HFM1: variants seen among roughly 807,000 people sequenced by gnomAD.
HFM1 encodes the protein helicase for meiosis 1.
Under a neutral mutation model 192.1 loss-of-function variants are expected in HFM1, and 169 were observed. The observed-to-expected ratio is 0.88, with a 90% CI of 0.78 to 1.00. The LOEUF (loss-of-function observed/expected upper bound fraction) is 1.00, where lower values mean the gene tolerates loss of function less well. Among genes scored for constraint, HFM1 ranks in the 50% least tolerant of loss-of-function variants. The probability of loss-of-function intolerance (pLI) is 0.00; values close to 1 mark genes in which losing one functional copy is unlikely to be tolerated. For synonymous variants in HFM1, 525 were observed against 537.8 expected (o/e 0.98, Z 0.33); for missense variants, 1,661 against 1,668.0 (o/e 1.00, Z 0.07).
chr1:91,317,339 G>A (rs1376827325), intron 25 of HFM1, among the ~76,000 whole-genome samples: 9 of 152,102 alleles, frequency 5.9e-5, no homozygotes, highest in Admixed American at 2.6e-4. Flanking sequence ...GCTTGAACCC[G>A]AGAGGCGGAG....
In HFM1 at chr1:91,319,277, T is replaced by G; in HGVS notation, c.2680+16A>C. 6.2e-7 allele frequency: 1 copy of G among 1,604,932 alleles called. No individual in the cohort carries two copies. Among genetic ancestry groups the G allele is most frequent in the Non-Finnish European group, 8.5e-7 (1 of 1,171,956 alleles). On this transcript the variant is annotated intron_variant, in intron 24 of 38. Transcript: ENST00000370425. ...ATTGGAAAAAATATTTAAAATCCACTAATCCTGTAACATACATCTTGTAAT... is the reference window on the plus strand; with the variant it reads ...ATTGGAAAAAATATTTAAAATCCACGAATCCTGTAACATACATCTTGTAAT...
intron 30 of HFM1, among the ~76,000 whole-genome samples, chr1:91,293,950 C>CA (rs1307429524): frequency 2.0e-5 from 3 of 147,656 alleles, no homozygotes; most frequent in African/African-American, 7.5e-5. Flanking sequence ...ATCGCAAGAA[C>CA]AAAAAACCAA....
At chr1:91,288,226 T>C (rs1274188629) in intron 30 of HFM1, among the ~76,000 whole-genome samples, 2 of 150,378 alleles carry the variant, frequency 1.3e-5, no homozygotes, top group Admixed American at 6.6e-5. Flanking sequence ...TTCACCAAAG[T>C]TGAAATGAAG....
intron 30 of HFM1, among the ~76,000 whole-genome samples, chr1:91,295,829 T>G (rs1377901396): frequency 6.6e-6 from 1 of 152,228 alleles, no homozygotes; most frequent in Non-Finnish European, 1.5e-5. Flanking sequence ...GACCTATTTT[T>G]TCTCCTCTAA....
chr1:91,338,785 AC>A, intron 20 of HFM1, among the ~76,000 whole-genome samples: 1 of 152,130 alleles, frequency 6.6e-6, no homozygotes, highest in South Asian at 2.1e-4. Flanking sequence ...GCAAACATGG[AC>A]CCTGCTGTGC....
At chr1:91,373,534 G>A (rs554624775) in intron 13 of HFM1, among the ~76,000 whole-genome samples, 8 of 151,982 alleles carry the variant, frequency 5.3e-5, no homozygotes, top group Non-Finnish European at 1.2e-4. Context: ...AGTATTGAAG[G>A]TGAGGCCTGG....
At chr1:91,349,518 CCT>C (rs1169288260) in intron 18 of HFM1, among the ~76,000 whole-genome samples, 2 of 152,134 alleles carry the variant, frequency 1.3e-5, no homozygotes, top group Non-Finnish European at 2.9e-5. Flanking sequence ...GATCATTCAT[CCT>C]GAGAAAAGTC....
chr1:91,323,315 A>C (rs922666878), intron 21 of HFM1, 116 bp from the exon 22 acceptor site: 3 of 649,124 alleles, frequency 4.6e-6, no homozygotes, highest in Non-Finnish European at 5.3e-6. Context: ...TTTATCAATG[A>C]ACATAACAGA....
chr1:91,375,517 C>G lies in HFM1; in HGVS notation c.1596+10G>C. On this transcript the variant is annotated intron_variant, in intron 12 of 38. Coordinates refer to ENST00000370425, the MANE Select transcript of HFM1 (RefSeq NM_001017975.6). Reference sequence around the variant, plus strand: ...AATATACTAAAAAATAAGCTATCAACAATCCATACCACAAGTGTGGGTTTC... The same window carrying G: ...AATATACTAAAAAATAAGCTATCAAGAATCCATACCACAAGTGTGGGTTTC... The G allele has an allele frequency of 6.2e-7, 1 of 1,611,782 alleles. No homozygotes were observed. The highest frequency in any genetic ancestry group is 1.1e-5 in the South Asian group (1 of 91,008).
At chr1:91,314,561 A>G (rs1475220169) in intron 28 of HFM1, among the ~76,000 whole-genome samples, 5 of 152,012 alleles carry the variant, frequency 3.3e-5, no homozygotes, top group African/African-American at 1.2e-4. Flanking sequence ...TCCAATCCCT[A>G]ATTTTTTTAA....
Position 91,385,645 on chromosome 1 carries a change from A to T in HFM1, c.684T>A (p.Ala228=). The T allele has an allele frequency of 6.2e-7, 1 of 1,612,676 alleles. No individual in the cohort carries two copies. Among genetic ancestry groups the T allele is most frequent in the Non-Finnish European group, 8.5e-7 (1 of 1,178,760 alleles). ...NVFTANNAFS[A]SEIGEGMFKA... Reference sequence around the variant, plus strand: ...TGAACATGCCTTCTCCGATTTCAGAAGCAGAAAAAGCATTATTTGCTGTAA... The same window carrying T: ...TGAACATGCCTTCTCCGATTTCAGATGCAGAAAAAGCATTATTTGCTGTAA... The change falls in exon 5 of 39, where the codon GCT becomes GCA. Residue 228 remains alanine, a synonymous_variant. Transcript: ENST00000370425.
intron 1 of HFM1, among the ~76,000 whole-genome samples, chr1:91,403,895 C>A (rs1664573445): frequency 6.6e-6 from 1 of 152,100 alleles, no homozygotes. Context: ...TTATTGTATA[C>A]AATTATTGTA....
chr1:91,332,500 A>C (rs1653979060), intron 20 of HFM1, among the ~76,000 whole-genome samples: 1 of 152,158 alleles, frequency 6.6e-6, no homozygotes, highest in African/African-American at 2.4e-5. Flanking sequence ...CTACAAAACT[A>C]CTACAAGAAA....
rs1356184373 is a variant in HFM1, at chr1:91,319,293, A to G, written c.2680T>C (p.Trp894Arg). 2.5e-6 allele frequency: 4 copies of G among 1,608,248 alleles called. No homozygotes were observed. The highest frequency in any genetic ancestry group is 1.1e-5 in the South Asian group (1 of 90,980). The change falls in exon 24 of 39, where the codon TGG (tryptophan) becomes CGG (arginine). Residue 894 changes from tryptophan to arginine, a missense_variant and splice_region_variant. Transcript: ENST00000370425. ...AAAATCCACTAATCCTGTAACATAC[A>G]TCTTGTAATTCGGGAGCCATGTCTG... ...IFRHGSRITR[W>R]LSDFVAAQEK... is the part of the protein sequence containing the mutation.
chr1:91,387,539 G>A (rs573592293), intron 4 of HFM1, among the ~76,000 whole-genome samples: 29,765 of 151,740 alleles, frequency 0.2, 3,310 homozygotes, highest in Non-Finnish European at 0.26. Context: ...CTGCGTTACC[G>A]TTTGACAGGT....
intron 2 of HFM1, among the ~76,000 whole-genome samples, chr1:91,398,258 T>G (rs973263796): frequency 5.9e-5 from 9 of 152,170 alleles, no homozygotes; most frequent in Admixed American, 5.9e-4. Flanking sequence ...CCTTATAATT[T>G]CCCAATTTTT....
intron 18 of HFM1, 99 bp from the exon 19 acceptor site, chr1:91,347,575 A>G (rs987010580): frequency 1.7e-5 from 10 of 604,200 alleles, no homozygotes; most frequent in Non-Finnish European, 2.8e-5. Flanking sequence ...GAAATCTTAT[A>G]TAAGAAAAAA....
intron 2 of HFM1, among the ~76,000 whole-genome samples, chr1:91,398,757 A>AT (rs980488119): frequency 2.6e-5 from 4 of 151,270 alleles, no homozygotes; most frequent in African/African-American, 9.7e-5. Flanking sequence ...CAGTGGCCAG[A>AT]TCTCAGATCA....
chr1:91,339,273 A>C (rs1372503928), intron 20 of HFM1, among the ~76,000 whole-genome samples: 4 of 151,920 alleles, frequency 2.6e-5, no homozygotes. Context: ...ACAGCTCCCC[A>C]GCAATGGTTC....
Sources: allele counts gnomAD v4.1 joint callset (sites outside exome capture counted in the v4.1 genomes callset), GRCh38; gene constraint gnomAD v4.1.1; transcripts MANE v1.5; gene names NCBI Gene and HGNC (gene_info 2026-07-23, HGNC 2026-07-21).